The following FGF14 variants were observed in gnomAD, a reference collection of about 807,000 sequenced individuals.
FGF14 encodes fibroblast growth factor homologous factor 4.
In FGF14, 5 loss-of-function variants were observed where a neutral mutation model predicts 25.5. That is an observed-to-expected ratio of 0.20 (90% confidence interval 0.10 to 0.41). FGF14 has a LOEUF of 0.41. FGF14 is among the 10% of genes least tolerant of loss of function. The pLI is 1.00. For missense variants in FGF14, 222 were observed against 320.1 expected (o/e 0.69, Z 2.34); for synonymous variants, 138 against 118.3 (o/e 1.17, Z -1.08).
intron 1 of FGF14, among the ~76,000 whole-genome samples, chr13:101,931,822 A>G (rs1325451233): frequency 6.6e-6 from 1 of 152,216 alleles, no homozygotes; most frequent in Non-Finnish European, 1.5e-5. Context: ...CCCATTTTAA[A>G]CTTCCTACAT....
At chr13:102,161,582 A>G (rs1339447208) in intron 1 of FGF14, among the ~76,000 whole-genome samples, 29 of 3,070 alleles carry the variant, frequency 9.4e-3, no homozygotes, top group South Asian at 0.028. Flanking sequence ...AGAAAGAAGA[A>G]GAAGAAGAAG....
At chr13:101,936,442 C>G (rs1339826492) in intron 1 of FGF14, among the ~76,000 whole-genome samples, 1 of 152,190 alleles carries the variant, frequency 6.6e-6, no homozygotes, top group South Asian at 2.1e-4. Context: ...TTTCAGAACT[C>G]AAGTCAGGAA....
At chr13:102,343,381 C>T (rs1268119612) in intron 1 of FGF14, among the ~76,000 whole-genome samples, 1 of 152,108 alleles carries the variant, frequency 6.6e-6, no homozygotes, top group Non-Finnish European at 1.5e-5. Context: ...CAGTAAGTAG[C>T]CACTGGCTGA....
At chr13:102,261,973 G>A (rs2052740433) in intron 1 of FGF14, among the ~76,000 whole-genome samples, 1 of 152,076 alleles carries the variant, frequency 6.6e-6, no homozygotes, top group African/African-American at 2.4e-5. Context: ...CACTTAAATT[G>A]GGTGTTTGGC....
At chr13:101,859,185 A>G (rs1424035304) in intron 3 of FGF14, among the ~76,000 whole-genome samples, 1 of 152,176 alleles carries the variant, frequency 6.6e-6, no homozygotes, top group Non-Finnish European at 1.5e-5. Flanking sequence ...GGAATAAATT[A>G]ATAAAATGTA....
At chr13:101,943,602 C>A (rs1472091997) in intron 1 of FGF14, among the ~76,000 whole-genome samples, 16 of 152,046 alleles carry the variant, frequency 1.1e-4, no homozygotes, top group Admixed American at 1.0e-3. Context: ...TGGGTTTGAA[C>A]CCCGACTCTG....
intron 1 of FGF14, among the ~76,000 whole-genome samples, chr13:101,976,844 A>G (rs2037958040): frequency 6.6e-6 from 1 of 152,224 alleles, no homozygotes; most frequent in African/African-American, 2.4e-5. Context: ...TAGTTTATGC[A>G]ATGATCAGCA....
intron 1 of FGF14, among the ~76,000 whole-genome samples, chr13:102,327,931 A>C (rs1024849271): frequency 1.1e-4 from 16 of 151,322 alleles, no homozygotes; most frequent in African/African-American, 3.9e-4. Flanking sequence ...AAAAATAAAT[A>C]AATGGTTTAT....
At chr13:102,005,251 T>C (rs766426985) in intron 1 of FGF14, among the ~76,000 whole-genome samples, 14 of 152,242 alleles carry the variant, frequency 9.2e-5, no homozygotes, top group Non-Finnish European at 1.9e-4. Context: ...GATGCTGTTA[T>C]CAAAATCCCT....
At chr13:101,869,487 G>A (rs1175470611) in intron 2 of FGF14, among the ~76,000 whole-genome samples, 2 of 152,078 alleles carry the variant, frequency 1.3e-5, no homozygotes, top group Non-Finnish European at 2.9e-5. Flanking sequence ...AGTGCAGATA[G>A]CAACGTTATA....
At chr13:102,075,306 C>A (rs994459396) in intron 1 of FGF14, among the ~76,000 whole-genome samples, 1 of 152,080 alleles carries the variant, frequency 6.6e-6, no homozygotes, top group African/African-American at 2.4e-5. Context: ...ATCAAGAAAG[C>A]AATTCTGCTT....
intron 1 of FGF14, among the ~76,000 whole-genome samples, chr13:101,926,643 T>C (rs2034385795): frequency 6.6e-6 from 1 of 152,220 alleles, no homozygotes; most frequent in South Asian, 2.1e-4. Flanking sequence ...TTTCATGAGA[T>C]TTAAGGCCAT....
intron 1 of FGF14, among the ~76,000 whole-genome samples, chr13:102,378,310 G>A (rs968692200): frequency 2.0e-5 from 3 of 152,080 alleles, no homozygotes; most frequent in Middle Eastern, 3.4e-3. Context: ...AAGGGTATAA[G>A]GGAAATCTCT....
chr13:102,193,942 T>A (rs1290660446), intron 1 of FGF14, among the ~76,000 whole-genome samples: 1 of 152,182 alleles, frequency 6.6e-6, no homozygotes, highest in Admixed American at 6.5e-5. Flanking sequence ...GTCCATGAAT[T>A]AGAATTCCTA....
chr13:101,786,198 G>A (rs752462684), intron 3 of FGF14, among the ~76,000 whole-genome samples: 1 of 152,146 alleles, frequency 6.6e-6, no homozygotes, highest in Non-Finnish European at 1.5e-5. Context: ...AGAATTCTAA[G>A]AGAACTCATC....
rs1412865710 is a variant in FGF14, at chr13:102,227,748, G to C, written c.208+173723C>G. On this transcript the variant is annotated intron_variant, in intron 1 of 4. Transcript: ENST00000376131. ...GATACAGGTAATATAAAAATACTAA[G>C]TATGAAAGAAGGAGAGTCCTCAGTA... 2.0e-5 allele frequency among the ~76,000 whole-genome samples: 3 copies of C among 152,098 alleles called. No individual in the cohort carries two copies. In the East Asian group the frequency reaches 5.8e-4, roughly 29 times the overall value.
At chr13:102,275,234 T>TTCTCCCTCTCTCTCTC (rs2053455274) in intron 1 of FGF14, among the ~76,000 whole-genome samples, 1 of 67,448 alleles carries the variant, frequency 1.5e-5, no homozygotes, top group East Asian at 3.6e-4. Context: ...TTAGGCAGAT[T>TTCTCCCTCTCTCTCTC]TCTCTCTCTC....
At chr13:101,827,225 A>C (rs1740641384) in intron 3 of FGF14, among the ~76,000 whole-genome samples, 1 of 152,070 alleles carries the variant, frequency 6.6e-6, no homozygotes, top group South Asian at 2.1e-4. Context: ...ACTAGAAAAT[A>C]ACCTTTACAT....
At chr13:101,874,067 AAAT>A (rs2140474333) in intron 2 of FGF14, among the ~76,000 whole-genome samples, 1 of 152,200 alleles carries the variant, frequency 6.6e-6, no homozygotes, top group Non-Finnish European at 1.5e-5. Flanking sequence ...ATGGCTGGAA[AAAT>A]AATGATATTT....
Sources: gnomAD v4.1 joint callset for allele counts (sites outside exome capture counted in the v4.1 genomes callset) on GRCh38, gnomAD v4.1.1 for gene constraint, MANE v1.5 for transcripts, NCBI Gene and HGNC (gene_info 2026-07-23, HGNC 2026-07-21) for gene names.